Variants in METAP1 observed in about 807,000 individuals in gnomAD.
The protein encoded by METAP1 is methionine aminopeptidase 1.
In METAP1, 28 loss-of-function variants were observed where a neutral mutation model predicts 53.8. The observed-to-expected ratio is 0.52, with a 90% confidence interval of 0.39 to 0.71. METAP1 has a LOEUF of 0.71. Among genes scored for constraint, METAP1 ranks in the 30% least tolerant of loss-of-function variants. METAP1 has a pLI of 0.00. For missense variants in METAP1, 389 were observed against 479.8 expected, an observed-to-expected ratio of 0.81 and a Z score of 1.77; for synonymous variants, 181 against 165.7, an observed-to-expected ratio of 1.09 and a Z score of -0.71.
At chr4:99,019,949 G>A (rs1723987235) in intron 1 of METAP1, among the ~76,000 whole-genome samples, 1 of 152,076 alleles carries the variant, frequency 6.6e-6, no homozygotes, top group Non-Finnish European at 1.5e-5. Context: ...TGAGGTTTTG[G>A]GGTCTGGGTG....
intron 2 of METAP1, among the ~76,000 whole-genome samples, chr4:99,033,056 CT>C (rs745420484): frequency 2.0e-4 from 30 of 152,280 alleles, no homozygotes; most frequent in Middle Eastern, 3.4e-3. Context: ...GCCACATGCT[CT>C]TTAAGAGTAC....
intron 1 of METAP1, among the ~76,000 whole-genome samples, chr4:99,003,683 A>G (rs567449655): frequency 6.6e-6 from 1 of 152,342 alleles, no homozygotes; most frequent in Admixed American, 6.5e-5. Context: ...GAATAAAAAT[A>G]TTAGTAAATG....
At chr4:99,038,466 G>T (rs1187474131) in intron 4 of METAP1, among the ~76,000 whole-genome samples, 1 of 151,960 alleles carries the variant, frequency 6.6e-6, no homozygotes, top group African/African-American at 2.4e-5. Flanking sequence ...TATGAATGAT[G>T]AATTGGATGA....
chr4:99,011,801 G>A (rs776242509), intron 1 of METAP1, among the ~76,000 whole-genome samples: 18 of 152,158 alleles, frequency 1.2e-4, no homozygotes, highest in Non-Finnish European at 2.2e-4. Context: ...TTAGCCAGGC[G>A]TGGTGGCATA....
At chr4:99,045,093 G>T in intron 7 of METAP1, 86 bp from the exon 8 acceptor site, 1 of 1,348,472 alleles carries the variant, frequency 7.4e-7, no homozygotes, top group South Asian at 1.4e-5. Flanking sequence ...TTTTCATTAA[G>T]TTGCTAGATG....
chr4:99,039,292 T>TA, intron 4 of METAP1, 82 bp from the exon 5 acceptor site: 2 of 789,728 alleles, frequency 2.5e-6, no homozygotes. Context: ...CTACTGTTTT[T>TA]ATGCCACAGG....
intron 1 of METAP1, among the ~76,000 whole-genome samples, chr4:99,004,486 C>CAT (rs1165536169): frequency 1.7e-3 from 43 of 25,016 alleles, no homozygotes; most frequent in African/African-American, 6.5e-3. Context: ...CACACACATA[C>CAT]ACACACACAC....
chr4:99,005,263 C>A (rs889466728), intron 1 of METAP1, among the ~76,000 whole-genome samples: 6 of 151,904 alleles, frequency 3.9e-5, no homozygotes, highest in Non-Finnish European at 7.4e-5. Context: ...CCAGAATCTA[C>A]AAGGAACTCA....
rs1317166788 is a variant in METAP1 at position 99,062,155 on chromosome 4, C to G, written c.*838C>G. ...GAAAAAGCCCCCTTTCTTCCCTTTTCTGTTTTACTTCAAGGGCATACCTTG... is the reference window on the plus strand; with the variant it reads ...GAAAAAGCCCCCTTTCTTCCCTTTTGTGTTTTACTTCAAGGGCATACCTTG... On this transcript the variant is annotated 3_prime_UTR_variant, in exon 11 of 11. Coordinates refer to ENST00000296411, the MANE Select transcript of METAP1 (RefSeq NM_015143.3). 6.6e-6 allele frequency: 1 copy of G among 152,200 alleles called. No homozygotes were observed. The highest frequency in any genetic ancestry group is 1.5e-5 in the Non-Finnish European group (1 of 68,034). The allele number at this position is 152,200 out of a possible 1,614,324, so 9.4% of individuals were successfully genotyped here. A position where few individuals can be genotyped will look rare whatever the true frequency, so the allele number is the denominator to read the frequency against.
At chr4:98,997,710 C>A (rs952189585) in intron 1 of METAP1, among the ~76,000 whole-genome samples, 1 of 152,124 alleles carries the variant, frequency 6.6e-6, no homozygotes, top group Non-Finnish European at 1.5e-5. Flanking sequence ...TTTGTGAAAA[C>A]AAAACATCTA....
Position 99,057,750 on chromosome 4 carries a change from C to T in METAP1, c.932-3C>T, listed in dbSNP as rs370752774. Reference sequence around the variant, plus strand: ...CTTTTGAGATTTTTTTCTTTGATTTCAGAAAATAAAGCAGTTGGAGTGATG... The same window carrying T: ...CTTTTGAGATTTTTTTCTTTGATTTTAGAAAATAAAGCAGTTGGAGTGATG... On this transcript the variant is annotated splice_polypyrimidine_tract_variant and splice_region_variant and intron_variant, in intron 9 of 10. Coordinates refer to ENST00000296411, the MANE Select transcript of METAP1 (RefSeq NM_015143.3). 6.3e-7 allele frequency: 1 copy of T among 1,578,920 alleles called. No homozygotes were observed. Among genetic ancestry groups the T allele is most frequent in the Admixed American group, 1.8e-5 (1 of 54,924 alleles).
chr4:99,056,157 G>A (rs556481516), intron 9 of METAP1, among the ~76,000 whole-genome samples: 2 of 152,314 alleles, frequency 1.3e-5, no homozygotes, highest in South Asian at 4.1e-4. Context: ...GGGCAAATTT[G>A]CCATTCATAA....
intron 1 of METAP1, among the ~76,000 whole-genome samples, chr4:99,025,669 C>G (rs1724512059): frequency 6.6e-6 from 1 of 152,208 alleles, no homozygotes; most frequent in Non-Finnish European, 1.5e-5. Flanking sequence ...TGGACTCTCC[C>G]TCCTTGGCCA....
At chr4:99,051,435 G>A (rs1726695632) in intron 9 of METAP1, among the ~76,000 whole-genome samples, 1 of 151,602 alleles carries the variant, frequency 6.6e-6, no homozygotes. Context: ...GTGTCGCCTA[G>A]GCTAAAGTGT....
Position 99,025,199 on chromosome 4 carries a change from A to G in METAP1, c.115-3668A>G, listed in dbSNP as rs544470366. ...GGTTTGGGGACCCCTGTTTTAAACTATAAACTAAGTTTTTCCCAAAGTTAG... is the reference window on the plus strand; with the variant it reads ...GGTTTGGGGACCCCTGTTTTAAACTGTAAACTAAGTTTTTCCCAAAGTTAG... On this transcript the variant is annotated intron_variant, in intron 1 of 10. Coordinates refer to ENST00000296411, the MANE Select transcript of METAP1 (RefSeq NM_015143.3). 1.7e-5 allele frequency: 4 copies of G among 230,128 alleles called. No individual in the cohort carries two copies. In the Admixed American group the frequency reaches 1.9e-4, roughly 11 times the overall value. The allele number at this position is 230,128 out of a possible 1,614,324, so 14.3% of individuals were successfully genotyped here.
intron 6 of METAP1, among the ~76,000 whole-genome samples, chr4:99,042,030 A>G (rs1030453053): frequency 1.3e-5 from 2 of 151,960 alleles, no homozygotes; most frequent in Non-Finnish European, 2.9e-5. Context: ...AATCTTACCA[A>G]CAACCTCTTG....
Position 99,040,911 on chromosome 4 carries a change from T to C in METAP1, c.433-132T>C, listed in dbSNP as rs992366259. The C allele has an allele frequency of 9.6e-6, 3 of 313,448 alleles. No homozygotes were observed. The Admixed American group carries it at 1.5e-4, about 15-fold the overall frequency. The allele number at this position is 313,448 out of a possible 1,614,324, so 19.4% of individuals were successfully genotyped here. On this transcript the variant is annotated intron_variant, in intron 5 of 10. Coordinates refer to ENST00000296411, the MANE Select transcript of METAP1 (RefSeq NM_015143.3). ...TATGTATTTACATATAATATATTTATATATTTTCTATAAAATTATAATATT... is the reference window on the plus strand; with the variant it reads ...TATGTATTTACATATAATATATTTACATATTTTCTATAAAATTATAATATT...
intron 1 of METAP1, among the ~76,000 whole-genome samples, chr4:99,000,513 G>A (rs1722864492): frequency 6.6e-6 from 1 of 152,148 alleles, no homozygotes; most frequent in African/African-American, 2.4e-5. Flanking sequence ...CATATGTAAT[G>A]TTATTAAAAT....
At chr4:99,028,979 CAAG>C in intron 2 of METAP1, 61 bp downstream of exon 2, 2 of 1,126,026 alleles carry the variant, frequency 1.8e-6, no homozygotes, top group Non-Finnish European at 2.6e-6. Flanking sequence ...TGCCAGAAAA[CAAG>C]AATTCTTCTA....
Sources: allele counts gnomAD v4.1 joint callset (sites outside exome capture counted in the v4.1 genomes callset), GRCh38; gene constraint gnomAD v4.1.1; transcripts MANE v1.5; gene names NCBI Gene and HGNC (gene_info 2026-07-23, HGNC 2026-07-21).